Variants in CLASP2 observed in about 807,000 individuals in gnomAD.
CLASP2 encodes the protein CLIP-associating protein 2.
In CLASP2, 47 loss-of-function variants were observed where a neutral mutation model predicts 194.4. The ratio of observed to expected loss-of-function variants is 0.24; its 90% CI spans 0.19 to 0.31. The LOEUF (loss-of-function observed/expected upper bound fraction) is 0.31. CLASP2 is among the 10% of genes least tolerant of loss of function. The pLI is 1.00. For missense variants in CLASP2, 1,445 were observed against 1,823.6 expected (o/e 0.79, Z 3.78); for synonymous variants, 619 against 633.5 (o/e 0.98, Z 0.34).
intron 8 of CLASP2, among the ~76,000 whole-genome samples, chr3:33,638,818 A>C (rs1255892956): frequency 6.6e-6 from 1 of 152,218 alleles, no homozygotes; most frequent in Non-Finnish European, 1.5e-5. Flanking sequence ...GATTCTAACT[A>C]ATGGAAAATT....
In CLASP2 at chr3:33,689,920, A is replaced by G. The variant is rs939759345; in HGVS notation, c.287T>C (p.Leu96Ser). 1 of 1,585,996 alleles carries G rather than the reference A, an allele frequency of 6.3e-7. No individual in the cohort carries two copies. Among genetic ancestry groups the G allele is most frequent in the African/African-American group, 1.3e-5 (1 of 74,394 alleles). The change falls in exon 3 of 39, where the codon TTA (leucine) becomes TCA (serine). Residue 96 changes from leucine to serine, a missense_variant. Physicochemically the swap from Leu to Ser is moderately radical, Grantham distance 145 (BLOSUM62 -2). This residue lies in a region of CLASP2 where 332 missense variants were observed against 325.3 expected (regional missense o/e 1.02). Transcript: ENST00000682230. Reference protein sequence around the residue: ...KSYVAMVIVALIDRMGDAKDK... With the variant: ...KSYVAMVIVASIDRMGDAKDK... ...TTTGGCATCTCCCATTCTGTCTATTAAAGCTACAATAACTAAAGAAGGGGA... is the reference window on the plus strand; with the variant it reads ...TTTGGCATCTCCCATTCTGTCTATTGAAGCTACAATAACTAAAGAAGGGGA...
intron 6 of CLASP2, among the ~76,000 whole-genome samples, chr3:33,675,700 C>A (rs535293638): frequency 2.1e-5 from 3 of 145,950 alleles, no homozygotes; most frequent in Non-Finnish European, 4.5e-5. Flanking sequence ...ATTGTCTCAG[C>A]CCAAAATCTC....
At chr3:33,671,855 G>C (rs1219404594) in intron 6 of CLASP2, among the ~76,000 whole-genome samples, 1 of 152,190 alleles carries the variant, frequency 6.6e-6, no homozygotes, top group African/African-American at 2.4e-5. Context: ...ACAGCAGTCT[G>C]AGATCAAACT....
In CLASP2 at chr3:33,515,977, A is replaced by G. The variant is rs772793651; in HGVS notation, c.4110+46T>C. 2.6e-6 allele frequency: 4 copies of G among 1,549,942 alleles called. No individual in the cohort carries two copies. The African/African-American group carries it at 4.1e-5, about 16-fold the overall frequency. ...ATTTTACACAATGGTTACATGTTTCATGAAATAAAATAATGGAATAATACT... is the reference window on the plus strand; with the variant it reads ...ATTTTACACAATGGTTACATGTTTCGTGAAATAAAATAATGGAATAATACT... On this transcript the variant is annotated intron_variant, in intron 36 of 38. Coordinates refer to ENST00000682230, the MANE Select transcript of CLASP2 (RefSeq NM_001365631.1).
At chr3:33,560,456 T>G (rs1487528789) in intron 28 of CLASP2, among the ~76,000 whole-genome samples, 9 of 152,136 alleles carry the variant, frequency 5.9e-5, no homozygotes. Context: ...TTGACCAGGC[T>G]GGTCTCGAAC....
intron 10 of CLASP2, among the ~76,000 whole-genome samples, chr3:33,625,916 C>T (rs1271333895): frequency 2.6e-5 from 4 of 151,860 alleles, no homozygotes; most frequent in African/African-American, 9.7e-5. Context: ...AATCAAAAGA[C>T]CATCTGTTGT....
Position 33,551,280 on chromosome 3 carries a change from G to A in CLASP2, c.3125C>T (p.Thr1042Ile), listed in dbSNP as rs2059972809. The part of the protein sequence containing the change: ...LAVSRVITWT[T>I]EPKSSDVRKA... ...CCGAACATCAGAACTTTTGGGTTCT[G>A]TTGTCCAAGTGATGACCCGAGACAC... The change falls in exon 30 of 39, where the codon ACA (threonine) becomes ATA (isoleucine). Residue 1042 changes from threonine to isoleucine, a missense_variant. Transcript: ENST00000682230. 6.2e-7 allele frequency: 1 copy of A among 1,613,376 alleles called. No homozygotes were observed. The highest frequency in any genetic ancestry group is 8.5e-7 in the Non-Finnish European group (1 of 1,179,606).
chr3:33,678,347 TAAAG>T (rs2089206149), intron 6 of CLASP2, among the ~76,000 whole-genome samples: 1 of 151,604 alleles, frequency 6.6e-6, no homozygotes, highest in South Asian at 2.1e-4. Context: ...AAATCAAAAA[TAAAG>T]AAAAATATTC....
chr3:33,613,683 A>G (rs1445754318), intron 12 of CLASP2, among the ~76,000 whole-genome samples: 9 of 152,236 alleles, frequency 5.9e-5, no homozygotes, highest in Admixed American at 5.2e-4. Context: ...TTAATTCAGC[A>G]TGAAAGGACT....
chr3:33,565,690 T>C (rs1266253147), intron 27 of CLASP2, among the ~76,000 whole-genome samples: 1 of 152,082 alleles, frequency 6.6e-6, no homozygotes, highest in African/African-American at 2.4e-5. Flanking sequence ...CACATGCCTG[T>C]AATCCCAGCT....
At chr3:33,681,215 T>C (rs565017558) in intron 6 of CLASP2, among the ~76,000 whole-genome samples, 1 of 151,942 alleles carries the variant, frequency 6.6e-6, no homozygotes, top group Non-Finnish European at 1.5e-5. Flanking sequence ...CAAATACATA[T>C]GTTAACATCA....
chr3:33,685,162 G>A (rs1416533564), intron 5 of CLASP2, among the ~76,000 whole-genome samples: 2 of 150,998 alleles, frequency 1.3e-5, no homozygotes, highest in East Asian at 1.9e-4. Context: ...CTACCACGGT[G>A]AAACCCCATT....
intron 14 of CLASP2, 70 bp from the exon 15 acceptor site, chr3:33,607,531 C>T (rs1342364455): frequency 1.0e-6 from 1 of 985,480 alleles, no homozygotes; most frequent in Admixed American, 2.8e-5. Flanking sequence ...TACTTAAGGC[C>T]TATATGTTAC....
At chr3:33,619,257 C>T (rs1577294879) in intron 12 of CLASP2, among the ~76,000 whole-genome samples, 2 of 152,102 alleles carry the variant, frequency 1.3e-5, no homozygotes, top group East Asian at 3.8e-4. Flanking sequence ...TGGCACATAA[C>T]TACATTAAAA....
chr3:33,671,484 G>C (rs557550472), intron 6 of CLASP2, among the ~76,000 whole-genome samples: 7 of 152,310 alleles, frequency 4.6e-5, no homozygotes, highest in South Asian at 4.1e-4. Flanking sequence ...AATAGGAACA[G>C]CTCTGGTCTA....
At chr3:33,523,994 A>T (rs1278532729) in intron 34 of CLASP2, among the ~76,000 whole-genome samples, 1 of 152,216 alleles carries the variant, frequency 6.6e-6, no homozygotes, top group African/African-American at 2.4e-5. Flanking sequence ...ACATTTCACT[A>T]CAAAACAACT....
chr3:33,646,904 G>C (rs932604857), intron 7 of CLASP2, among the ~76,000 whole-genome samples: 3 of 151,936 alleles, frequency 2.0e-5, no homozygotes, highest in Non-Finnish European at 4.4e-5. Context: ...TCTAACACTT[G>C]GTTTTGTTCA....
chr3:33,655,354 G>C (rs1222145543), intron 7 of CLASP2, among the ~76,000 whole-genome samples: 1 of 152,110 alleles, frequency 6.6e-6, no homozygotes, highest in Non-Finnish European at 1.5e-5. Flanking sequence ...TATTCACTTA[G>C]ATGCCCTTAA....
chr3:33,537,456 T>C (rs1294891452), intron 33 of CLASP2, among the ~76,000 whole-genome samples: 1 of 152,168 alleles, frequency 6.6e-6, no homozygotes, highest in Non-Finnish European at 1.5e-5. Flanking sequence ...TTGCAAACAC[T>C]GAGAAACAAT....
Sources: gnomAD v4.1 joint callset for allele counts (sites outside exome capture counted in the v4.1 genomes callset) on GRCh38, gnomAD v4.1.1 for gene constraint, gnomAD v4.1.1 regional missense constraint, MANE v1.5 for transcripts, NCBI Gene and HGNC (gene_info 2026-07-23, HGNC 2026-07-21) for gene names.